Variants in LRRC4C observed in about 807,000 individuals in gnomAD.
LRRC4C encodes the protein leucine rich repeat containing 4C.
LRRC4C carries 5 observed loss-of-function variants against 33.6 expected under a neutral mutation model. The ratio of observed to expected loss-of-function variants is 0.15; its 90% CI spans 0.08 to 0.31. The LOEUF (loss-of-function observed/expected upper bound fraction) is 0.31, where lower values mean the gene tolerates loss of function less well. Among genes scored for constraint, LRRC4C ranks in the 10% least tolerant of loss-of-function variants. The pLI is 1.00. For missense variants in LRRC4C, 560 were observed against 796.7 expected (o/e 0.70, Z 3.58); for synonymous variants, 329 against 302.0 (o/e 1.09, Z -0.93).
At chr11:40,544,746 T>C (rs1346799810) in intron 3 of LRRC4C, among the ~76,000 whole-genome samples, 1 of 152,152 alleles carries the variant, frequency 6.6e-6, no homozygotes, top group African/African-American at 2.4e-5. Context: ...AATTTTAAGA[T>C]ATGATTTCCA....
chr11:41,351,626 T>A (rs919655897), intron 1 of LRRC4C, among the ~76,000 whole-genome samples: 1 of 152,094 alleles, frequency 6.6e-6, no homozygotes, highest in Non-Finnish European at 1.5e-5. Flanking sequence ...GGGAACCCCA[T>A]CAGGCTAACA....
At chr11:40,736,697 G>T (rs1010469506) in intron 2 of LRRC4C, among the ~76,000 whole-genome samples, 7 of 151,798 alleles carry the variant, frequency 4.6e-5, no homozygotes, top group African/African-American at 1.7e-4. Context: ...CTTTTTAATG[G>T]TCATCATTTT....
rs181674563 is a variant in LRRC4C at position 40,795,517 on chromosome 11, G to C, written c.-407+138118C>G. 3.0e-3 allele frequency among the ~76,000 whole-genome samples: 464 copies of C among 152,164 alleles called. 2 individuals carry two copies. Among genetic ancestry groups the C allele is most frequent in the Non-Finnish European group, 5.6e-3 (378 of 68,014 alleles). On this transcript the variant is annotated intron_variant, in intron 2 of 6. Transcript: ENST00000528697. ...TGCACTCCAGCCTGGGCGACAGAGC[G>C]AGACTCCGTCTCAAAATAAATAAAT...
intron 1 of LRRC4C, among the ~76,000 whole-genome samples, chr11:41,010,818 A>T (rs1439521163): frequency 6.6e-6 from 1 of 151,066 alleles, no homozygotes; most frequent in Non-Finnish European, 1.5e-5. Context: ...GCAGGAATCC[A>T]GTGAACATAT....
chr11:40,295,442 C>T (rs1056000907), intron 4 of LRRC4C, among the ~76,000 whole-genome samples: 1 of 152,074 alleles, frequency 6.6e-6, no homozygotes, highest in Non-Finnish European at 1.5e-5. Context: ...GGTTTAAAAA[C>T]AGTTTTAAAG....
At position 40,744,540 on chromosome 11, in the gene LRRC4C, A is replaced by G. The variant is rs1401985100; in HGVS notation, c.-406-96262T>C. Among the ~76,000 whole-genome samples the G allele has an allele frequency of 3.9e-5, 6 of 152,260 alleles. No individual in the cohort carries two copies. In the South Asian group the frequency reaches 6.2e-4, roughly 16 times the overall value. The stretch of plus-strand genomic sequence containing the variant: ...CATTCGAACAATTATCTTCTGCCTC[A>G]ACTGGCCTTTGAACTTCATGAGAGA... On this transcript the variant is annotated intron_variant, in intron 2 of 6. Coordinates refer to ENST00000528697, the MANE Select transcript of LRRC4C (RefSeq NM_001258419.2).
intron 3 of LRRC4C, among the ~76,000 whole-genome samples, chr11:40,509,098 T>A (rs544176929): frequency 5.6e-4 from 85 of 152,292 alleles, no homozygotes; most frequent in African/African-American, 2.0e-3. Flanking sequence ...GGAAATAATA[T>A]ATACTTCATC....
chr11:40,626,190 C>A (rs1962910486), intron 3 of LRRC4C, among the ~76,000 whole-genome samples: 1 of 152,202 alleles, frequency 6.6e-6, no homozygotes, highest in Admixed American at 6.5e-5. Flanking sequence ...CGAAATTGTT[C>A]TTTCCTCTGC....
Position 41,109,498 on chromosome 11 carries a change from T to C in LRRC4C, c.-495-175775A>G, listed in dbSNP as rs559302909. 4.6e-5 allele frequency among the ~76,000 whole-genome samples: 7 copies of C among 152,240 alleles called. No homozygotes were observed. The South Asian group carries it at 1.2e-3, about 27-fold the overall frequency. On this transcript the variant is annotated intron_variant, in intron 1 of 6. Transcript: ENST00000528697. ...AACTAGAAGAAAACTTACATTGCTT[T>C]GGCCCCAGAGCCCTCAAGGGCTTTG...
At chr11:41,285,892 T>C (rs1376363434) in intron 1 of LRRC4C, among the ~76,000 whole-genome samples, 1 of 152,102 alleles carries the variant, frequency 6.6e-6, no homozygotes, top group African/African-American at 2.4e-5. Context: ...CGCAGTGGCA[T>C]GATCTCGGCT....
intron 3 of LRRC4C, among the ~76,000 whole-genome samples, chr11:40,352,110 T>TTC (rs1947422998): frequency 2.4e-5 from 3 of 123,828 alleles, no homozygotes; most frequent in African/African-American, 9.1e-5. Context: ...TTCCTTTCTT[T>TTC]CTTCCTTCCT....
chr11:40,547,656 C>T (rs1383625297), intron 3 of LRRC4C, among the ~76,000 whole-genome samples: 2 of 152,016 alleles, frequency 1.3e-5, no homozygotes, highest in Non-Finnish European at 2.9e-5. Flanking sequence ...CAAGTTAGAA[C>T]TCTACCTGAA....
intron 1 of LRRC4C, among the ~76,000 whole-genome samples, chr11:41,200,097 T>G (rs1428745124): frequency 1.3e-5 from 2 of 152,060 alleles, no homozygotes; most frequent in Non-Finnish European, 2.9e-5. Flanking sequence ...TTTGTAGTAA[T>G]GTCACTTCTG....
intron 2 of LRRC4C, among the ~76,000 whole-genome samples, chr11:40,694,059 A>T (rs7947151): frequency 0.25 from 37,367 of 152,110 alleles, 7,053 homozygotes; most frequent in African/African-American, 0.53. Flanking sequence ...TGAAAGGCAA[A>T]GCATACTAGC....
intron 2 of LRRC4C, among the ~76,000 whole-genome samples, chr11:40,737,699 C>G (rs955894717): frequency 1.3e-5 from 2 of 152,028 alleles, no homozygotes; most frequent in Non-Finnish European, 2.9e-5. Context: ...AACTACAAAC[C>G]AATGCTCAAG....
At chr11:40,786,079 CG>C (rs1950401616) in intron 2 of LRRC4C, among the ~76,000 whole-genome samples, 1 of 152,032 alleles carries the variant, frequency 6.6e-6, no homozygotes, top group African/African-American at 2.4e-5. Context: ...TAAACTCATA[CG>C]AACGATGAAA....
intron 3 of LRRC4C, among the ~76,000 whole-genome samples, chr11:40,417,759 G>A (rs1487728046): frequency 6.6e-6 from 1 of 152,092 alleles, no homozygotes; most frequent in Non-Finnish European, 1.5e-5. Flanking sequence ...TACACTCTGT[G>A]CCTGGAAGAA....
rs1491105578 is a variant in LRRC4C, at chr11:40,578,140, G to GTTTTTTTTTTTTTTTTTTTTTTTT, written c.-270+70001_-270+70002insAAAAAAAAAAAAAAAAAAAAAAAA. Among the ~76,000 whole-genome samples, 171 of 40,570 alleles carry GTTTTTTTTTTTTTTTTTTTTTTTT rather than the reference G, an allele frequency of 4.2e-3. 79 individuals carry two copies. The highest frequency in any genetic ancestry group is 5.5e-3 in the South Asian group (5 of 910). 26.6% of individuals were successfully genotyped at this position (40,570 alleles called of 152,430 possible). ...TGATATTATTGGACTTTTTTTTTTC[G>GTTTTTTTTTTTTTTTTTTTTTTTT]GTTTTTTTTTTTTTTTTTTTTTTTT... On this transcript the variant is annotated intron_variant, in intron 3 of 6. Transcript: ENST00000528697.
At chr11:40,726,428 G>A (rs1475152716) in intron 2 of LRRC4C, among the ~76,000 whole-genome samples, 1 of 152,192 alleles carries the variant, frequency 6.6e-6, no homozygotes, top group Non-Finnish European at 1.5e-5. Context: ...ACTGAATCCA[G>A]GAGCACATCA....
Sources: gnomAD v4.1 joint callset for allele counts (sites outside exome capture counted in the v4.1 genomes callset) on GRCh38, gnomAD v4.1.1 for gene constraint, MANE v1.5 for transcripts, NCBI Gene and HGNC (gene_info 2026-07-23, HGNC 2026-07-21) for gene names.